The following ZFHX4 variants were observed in gnomAD, a reference collection of about 807,000 sequenced individuals.
ZFHX4 encodes zinc finger homeobox protein 4.
Under a neutral mutation model 267.6 loss-of-function variants are expected in ZFHX4, and 56 were observed. The ratio of observed to expected loss-of-function variants is 0.21; its 90% CI spans 0.17 to 0.26. The LOEUF is 0.26. ZFHX4 is among the 10% of genes least tolerant of loss of function. The pLI is 1.00. For synonymous variants in ZFHX4, 1,778 were observed against 1,665.6 expected (o/e 1.07, Z -1.64); for missense variants, 4,332 against 4,420.0 (o/e 0.98, Z 0.56).
chr8:76,827,718 A>G (rs1811823630), intron 4 of ZFHX4, among the ~76,000 whole-genome samples: 1 of 152,228 alleles, frequency 6.6e-6, no homozygotes, highest in Non-Finnish European at 1.5e-5. Flanking sequence ...GAGGTCATAG[A>G]TGACTCAAGA....
intron 1 of ZFHX4, among the ~76,000 whole-genome samples, chr8:76,690,112 T>A (rs1338270661): frequency 1.3e-5 from 2 of 152,170 alleles, no homozygotes; most frequent in Admixed American, 6.5e-5. Flanking sequence ...AGATGATAAT[T>A]ACTGAATGGT....
intron 3 of ZFHX4, among the ~76,000 whole-genome samples, chr8:76,720,535 G>C (rs938029906): frequency 4.6e-5 from 7 of 152,164 alleles, no homozygotes; most frequent in African/African-American, 1.7e-4. Flanking sequence ...ATACATAGCA[G>C]TGAAACAGCT....
chr8:76,718,714 CTT>C (rs1013203021), intron 3 of ZFHX4, among the ~76,000 whole-genome samples: 1 of 152,122 alleles, frequency 6.6e-6, no homozygotes, highest in Admixed American at 6.5e-5. Flanking sequence ...GAGCTACTCT[CTT>C]TAAGTCACAA....
intron 1 of ZFHX4, among the ~76,000 whole-genome samples, chr8:76,688,850 C>T (rs1807755945): frequency 6.6e-6 from 1 of 152,092 alleles, no homozygotes; most frequent in South Asian, 2.1e-4. Flanking sequence ...ATTAACCCAA[C>T]TTGTTTGTTG....
intron 3 of ZFHX4, among the ~76,000 whole-genome samples, chr8:76,758,287 A>C (rs529773578): frequency 2.0e-5 from 3 of 152,158 alleles, no homozygotes; most frequent in Non-Finnish European, 4.4e-5. Flanking sequence ...GTAGCTCTGA[A>C]AGGTACATGA....
intron 2 of ZFHX4, 135 bp downstream of exon 2, chr8:76,706,813 G>T: frequency 9.9e-7 from 1 of 1,012,742 alleles, no homozygotes; most frequent in Middle Eastern, 3.3e-4. Flanking sequence ...CTTTAAGCTG[G>T]ATAATCAAAC....
chr8:76,778,548 C>T, intron 4 of ZFHX4, 109 bp downstream of exon 4: 1 of 911,064 alleles, frequency 1.1e-6, no homozygotes, highest in East Asian at 2.5e-5. Flanking sequence ...CAACTCGAGC[C>T]TGTCCCCCAG....
At chr8:76,809,276 C>A (rs964724129) in intron 4 of ZFHX4, among the ~76,000 whole-genome samples, 14 of 152,048 alleles carry the variant, frequency 9.2e-5, no homozygotes, top group Admixed American at 8.5e-4. Flanking sequence ...GCTTGAATAA[C>A]CATTGTCTTC....
At chr8:76,790,955 G>C (rs1295943031) in intron 4 of ZFHX4, among the ~76,000 whole-genome samples, 3 of 152,142 alleles carry the variant, frequency 2.0e-5, no homozygotes, top group African/African-American at 7.2e-5. Context: ...AATTTTTAAA[G>C]GGGCCTGGAG....
intron 1 of ZFHX4, among the ~76,000 whole-genome samples, chr8:76,686,715 T>C (rs998160548): frequency 5.9e-5 from 9 of 152,180 alleles, no homozygotes; most frequent in African/African-American, 2.2e-4. Context: ...AACATTTTCT[T>C]GAAATGAATG....
intron 4 of ZFHX4, among the ~76,000 whole-genome samples, chr8:76,787,165 C>A (rs1458649095): frequency 3.3e-5 from 5 of 152,038 alleles, no homozygotes; most frequent in Admixed American, 2.6e-4. Context: ...TCACATGAGT[C>A]CCCAACAAAA....
rs2131614270 is a variant in ZFHX4, at chr8:76,707,690, T to A, written c.2735T>A (p.Phe912Tyr). 1 of 1,613,832 alleles carries A rather than the reference T, an allele frequency of 6.2e-7. No homozygotes were observed. The highest frequency in any genetic ancestry group is 2.2e-5 in the East Asian group (1 of 44,850). The change falls in exon 3 of 11, where the codon TTC (phenylalanine) becomes TAC (tyrosine). Residue 912 changes from phenylalanine to tyrosine, a missense_variant. Physicochemically the swap from Phe to Tyr is conservative, Grantham distance 22 (BLOSUM62 3). Around this residue, in one of 7 missense-constraint regions of ZFHX4, gnomAD observed 1,195 missense variants for 1,173.6 expected, o/e 1.02. Transcript: ENST00000651372. ...KLFQCAVCNK[F>Y]TSDSLEALSV... ...TTCCAGTGTGCTGTTTGCAACAAATTCACCTCTGACAGCCTGGAGGCCCTA... is the reference window on the plus strand; with the variant it reads ...TTCCAGTGTGCTGTTTGCAACAAATACACCTCTGACAGCCTGGAGGCCCTA...
chr8:76,786,208 G>T (rs116803504), intron 4 of ZFHX4, among the ~76,000 whole-genome samples: 108 of 152,008 alleles, frequency 7.1e-4, no homozygotes, highest in Middle Eastern at 3.4e-3. Flanking sequence ...ATGAGCAGAC[G>T]TTTTGAGACA....
At chr8:76,831,598 T>C (rs948819870) in intron 4 of ZFHX4, among the ~76,000 whole-genome samples, 4 of 152,224 alleles carry the variant, frequency 2.6e-5, no homozygotes, top group African/African-American at 9.6e-5. Flanking sequence ...CTGTCCTTAC[T>C]TGAGAATCTG....
At chr8:76,739,316 CTT>C (rs1312583271) in intron 3 of ZFHX4, among the ~76,000 whole-genome samples, 3 of 152,138 alleles carry the variant, frequency 2.0e-5, no homozygotes, top group Non-Finnish European at 2.9e-5. Flanking sequence ...TTCTATTCAT[CTT>C]GCTCCTTGAA....
At chr8:76,850,163 A>G in intron 8 of ZFHX4, 82 bp from the exon 9 acceptor site, 1 of 1,112,982 alleles carries the variant, frequency 9.0e-7, no homozygotes. Context: ...TGTAAGTGGG[A>G]TATGCTACCA....
chr8:76,803,317 T>C (rs1466997671), intron 4 of ZFHX4, among the ~76,000 whole-genome samples: 1 of 152,002 alleles, frequency 6.6e-6, no homozygotes, highest in Non-Finnish European at 1.5e-5. Flanking sequence ...AGGTGGCATA[T>C]GTAGCAGGTC....
chr8:76,703,873 C>T (rs960289641), intron 1 of ZFHX4, among the ~76,000 whole-genome samples, 170 bp from the exon 2 acceptor site: 1 of 152,182 alleles, frequency 6.6e-6, no homozygotes. Flanking sequence ...CATTATTTTG[C>T]TACATTTATA....
At chr8:76,801,443 G>A (rs934327297) in intron 4 of ZFHX4, among the ~76,000 whole-genome samples, 2 of 152,020 alleles carry the variant, frequency 1.3e-5, no homozygotes, top group African/African-American at 2.4e-5. Flanking sequence ...TTTTACCTCC[G>A]CATTTGTGGG....
Sources: gnomAD v4.1 joint callset for allele counts (sites outside exome capture counted in the v4.1 genomes callset) on GRCh38, gnomAD v4.1.1 for gene constraint, gnomAD v4.1.1 regional missense constraint, MANE v1.5 for transcripts, NCBI Gene and HGNC (gene_info 2026-07-23, HGNC 2026-07-21) for gene names.